Variants in PNN observed in about 807,000 individuals in gnomAD.
PNN encodes the protein pinin.
A neutral mutation model predicts 76.6 loss-of-function variants in PNN; 38 were observed. The ratio of observed to expected loss-of-function variants is 0.50; its 90% CI spans 0.38 to 0.65. The LOEUF is 0.65. Ranked by LOEUF, PNN falls within the 30% of genes least tolerant of loss-of-function variation. PNN has a pLI of 0.00. For synonymous variants in PNN, 366 were observed against 283.7 expected, an observed-to-expected ratio of 1.29 and a Z score of -2.91; for missense variants, 873 against 874.1, an observed-to-expected ratio of 1.00 and a Z score of 0.02.
intron 1 of PNN, 80 bp downstream of exon 1, chr14:39,175,472 C>T (rs2053212709): frequency 1.2e-6 from 1 of 865,084 alleles, no homozygotes; most frequent in Non-Finnish European, 1.9e-6. Context: ...GCGGGGAGGG[C>T]GGCCAGCCTT....
rs972723881 is a variant in PNN, at chr14:39,182,294, C to CT, written c.*434dup. 1 of 155,732 alleles carries CT rather than the reference C, an allele frequency of 6.4e-6. No homozygotes were observed. Among genetic ancestry groups the CT allele is most frequent in the Non-Finnish European group, 1.4e-5 (1 of 69,942 alleles). 9.6% of individuals were successfully genotyped at this position (155,732 alleles called of 1,614,324 possible). A position where few individuals can be genotyped will look rare whatever the true frequency, so the allele number is the denominator to read the frequency against. On this transcript the variant is annotated 3_prime_UTR_variant, in exon 9 of 9. Coordinates refer to ENST00000216832, the MANE Select transcript of PNN (RefSeq NM_002687.4). Reference sequence around the variant, plus strand: ...TTGACACTTGTATAATAAATATCCTCTTTATCATTTTCAGCTTTTAACACT... The same window carrying CT: ...TTGACACTTGTATAATAAATATCCTCTTTTATCATTTTCAGCTTTTAACACT...
At position 39,177,922 on chromosome 14, in the gene PNN, T is replaced by C; in HGVS notation, c.498+6T>C. Reference sequence around the variant, plus strand: ...CCACTGTTGCTACTGAAAGGGTATTTATCCAAGTTTTGTTTTGCATCATAT... The same window carrying C: ...CCACTGTTGCTACTGAAAGGGTATTCATCCAAGTTTTGTTTTGCATCATAT... On this transcript the variant is annotated splice_donor_region_variant and intron_variant, in intron 6 of 8. Transcript: ENST00000216832. 1.3e-6 allele frequency: 2 copies of C among 1,571,832 alleles called. No homozygotes were observed. Among genetic ancestry groups the C allele is most frequent in the South Asian group, 1.1e-5 (1 of 89,060 alleles).
Position 39,179,385 on chromosome 14 carries a change from C to T in PNN, c.716C>T (p.Pro239Leu), listed in dbSNP as rs2053253183. 6.2e-7 allele frequency: 1 copy of T among 1,609,166 alleles called. No homozygotes were observed. Among genetic ancestry groups the T allele is most frequent in the Admixed American group, 1.7e-5 (1 of 59,906 alleles). Residue 239 changes from proline (P) to leucine (L), a missense_variant, in exon 8 of 9, where the codon CCC (proline) becomes CTC (leucine). Around this residue, in one of 3 missense-constraint regions of PNN, gnomAD observed 712 missense variants for 693.1 expected, o/e 1.03. Coordinates refer to ENST00000216832, the MANE Select transcript of PNN (RefSeq NM_002687.4). ...IIKYIRTKTK[P>L]HLFYIPGRMC... is the part of the protein sequence containing the mutation. ...AAATATATAAGAACTAAGACAAAGC[C>T]CCATTTGTTTTATATTCCTGGAAGA...
chr14:39,180,638 G>T lies in PNN; in HGVS notation c.929G>T (p.Gly310Val). ...NEEQKAEQEE[G>V]KVAQREEELE... Reference sequence around the variant, plus strand: ...GAACAGAAGGCGGAACAAGAAGAGGGTAAGGTGGCTCAGCGAGAGGAAGAG... The same window carrying T: ...GAACAGAAGGCGGAACAAGAAGAGGTTAAGGTGGCTCAGCGAGAGGAAGAG... Residue 310 changes from glycine (G) to valine (V), a missense_variant, in exon 9 of 9, where the codon GGT becomes GTT. This residue lies in a region of PNN where 712 missense variants were observed against 693.1 expected (regional missense o/e 1.03). Transcript: ENST00000216832. 1 of 1,613,696 alleles carries T rather than the reference G, an allele frequency of 6.2e-7. No homozygotes were observed.
chr14:39,181,646 A>G lies in PNN; in HGVS notation c.1937A>G (p.His646Arg). 4 of 1,614,170 alleles carry G rather than the reference A, an allele frequency of 2.5e-6. No homozygotes were observed. The highest frequency in any genetic ancestry group is 3.4e-6 in the Non-Finnish European group (4 of 1,180,020). Residue 646 changes from histidine (H) to arginine (R), a missense_variant, in exon 9 of 9, where the codon CAC (histidine) becomes CGC (arginine). By Grantham distance (29) the His-to-Arg change is conservative. Coordinates refer to ENST00000216832, the MANE Select transcript of PNN (RefSeq NM_002687.4). ...CGGGGACATAATAGAGATAGAAAGCACAGAAGGAGCGTGGATCGGAAGAGA... is the reference window on the plus strand; with the variant it reads ...CGGGGACATAATAGAGATAGAAAGCGCAGAAGGAGCGTGGATCGGAAGAGA... ...RGRGHNRDRK[H>R]RRSVDRKRRD...
chr14:39,181,147 T>C lies in PNN; in HGVS notation c.1438T>C (p.Ser480Pro), dbSNP rs761858882. Residue 480 changes from serine (S) to proline (P), a missense_variant, in exon 9 of 9, where the codon TCT becomes CCT. Physicochemically the swap from Ser to Pro is moderately conservative, Grantham distance 74 (BLOSUM62 -1). Around this residue, in one of 3 missense-constraint regions of PNN, gnomAD observed 712 missense variants for 693.1 expected, o/e 1.03. Coordinates refer to ENST00000216832, the MANE Select transcript of PNN (RefSeq NM_002687.4). ...GCCTGTGGCTCAACCTCAGCCTCAGTCTCAGCCCCAGCTTCAGCTTCAATC... is the reference window on the plus strand; with the variant it reads ...GCCTGTGGCTCAACCTCAGCCTCAGCCTCAGCCCCAGCTTCAGCTTCAATC... The part of the protein sequence containing the change: ...PEPVAQPQPQ[S>P]QPQLQLQSQS... 1.1e-5 allele frequency: 17 copies of C among 1,604,840 alleles called. No homozygotes were observed. Among genetic ancestry groups the C allele is most frequent in the African/African-American group, 1.3e-5 (1 of 74,874 alleles).
Position 39,181,882 on chromosome 14 carries a change from C to G in PNN, c.*19C>G, listed in dbSNP as rs777143837. The G allele has an allele frequency of 6.5e-7, 1 of 1,539,996 alleles. No homozygotes were observed. Among genetic ancestry groups the G allele is most frequent in the Non-Finnish European group, 8.7e-7 (1 of 1,152,434 alleles). ...GCGTTAATGGAAGAAGCCAGGCTTT[C>G]TTAGCCATTCTTTGCAGCAGAAGAT... On this transcript the variant is annotated 3_prime_UTR_variant, in exon 9 of 9. Coordinates refer to ENST00000216832, the MANE Select transcript of PNN (RefSeq NM_002687.4).
chr14:39,176,134 G>GT lies in PNN; in HGVS notation c.171dup (p.Ser58Ter). The GT allele has an allele frequency of 6.3e-7, 1 of 1,598,400 alleles. No homozygotes were observed. Among genetic ancestry groups the GT allele is most frequent in the Non-Finnish European group, 8.6e-7 (1 of 1,165,814 alleles). On this transcript the variant is annotated frameshift_variant, in exon 2 of 9. Coordinates refer to ENST00000216832, the MANE Select transcript of PNN (RefSeq NM_002687.4). LOFTEE classifies it high-confidence loss of function. ...GGTCCTGGTGGAGGTAGAGGACGTGGTAGTTTATTACTGAGGTAAGATTTC... is the reference window on the plus strand; with the variant it reads ...GGTCCTGGTGGAGGTAGAGGACGTGGTTAGTTTATTACTGAGGTAAGATTTC...
In PNN at chr14:39,179,446, A is replaced by C; in HGVS notation, c.777A>C (p.Ser259=). 6.2e-7 allele frequency: 1 copy of C among 1,612,306 alleles called. No homozygotes were observed. Among genetic ancestry groups the C allele is most frequent in the Non-Finnish European group, 8.5e-7 (1 of 1,179,364 alleles). ...CPATQKLIEE[S]QRKMNALFEG... The stretch of plus-strand genomic sequence containing the variant: ...CTACCCAAAAACTAATAGAAGAGTC[A>C]CAGAGAAAAATGAACGGTAAGTATG... Residue 259 remains serine, a synonymous_variant, in exon 8 of 9, where the codon TCA becomes TCC. Coordinates refer to ENST00000216832, the MANE Select transcript of PNN (RefSeq NM_002687.4).
chr14:39,176,451 C>T (rs2053224929), intron 2 of PNN, 76 bp from the exon 3 acceptor site: 3 of 1,130,038 alleles, frequency 2.7e-6, no homozygotes, highest in Non-Finnish European at 3.9e-6. Flanking sequence ...GAAAGTTTAA[C>T]CATATTCTCT....
chr14:39,177,892 A>G lies in PNN; in HGVS notation c.474A>G (p.Gln158=). 5 of 1,610,218 alleles carry G rather than the reference A, an allele frequency of 3.1e-6. No individual in the cohort carries two copies. The highest frequency in any genetic ancestry group is 1.3e-5 in the African/African-American group (1 of 74,992). Residue 158 remains glutamine, a synonymous_variant, in exon 6 of 9, where the codon CAA becomes CAG. Coordinates refer to ENST00000216832, the MANE Select transcript of PNN (RefSeq NM_002687.4). ...LLMGTLQKFK[Q]ESTVATERQK... ...TGGGTACCCTTCAAAAATTTAAACA[A>G]GAATCCACTGTTGCTACTGAAAGGG...
chr14:39,179,296 A>G (rs774110188), intron 7 of PNN, 28 bp from the exon 8 acceptor site: 12 of 1,608,822 alleles, frequency 7.5e-6, no homozygotes, highest in Admixed American at 5.1e-5. Flanking sequence ...GTGTTTACAA[A>G]AGCACTGACC....
At chr14:39,175,446 T>A in intron 1 of PNN, 54 bp downstream of exon 1, 3 of 1,109,668 alleles carry the variant, frequency 2.7e-6, no homozygotes, top group Non-Finnish European at 4.1e-6. Flanking sequence ...AGCCCTCAGG[T>A]CGGGGTGAAT....
chr14:39,176,071 T>C lies in PNN; in HGVS notation c.114-7T>C, dbSNP rs2053220779. On this transcript the variant is annotated splice_region_variant and splice_polypyrimidine_tract_variant and intron_variant, in intron 1 of 8. Coordinates refer to ENST00000216832, the MANE Select transcript of PNN (RefSeq NM_002687.4). ...TGATTTTGCACTGATTTGTAAATCT[T>C]TTACAGGCCCATCCAAGCCAGATTG... 6.3e-7 allele frequency: 1 copy of C among 1,576,572 alleles called. No homozygotes were observed. Among genetic ancestry groups the C allele is most frequent in the Non-Finnish European group, 8.7e-7 (1 of 1,145,990 alleles).
chr14:39,180,596 A>AGGT lies in PNN; in HGVS notation c.892_894dup (p.Val298dup). ...CAATCAATGAAGGAAAAAGAGCATC[A>AGGT]GGTGGTGCGTAATGAAGAACAGAAG... On this transcript the variant is annotated inframe_insertion, in exon 9 of 9. Coordinates refer to ENST00000216832, the MANE Select transcript of PNN (RefSeq NM_002687.4). 1 of 1,614,166 alleles carries AGGT rather than the reference A, an allele frequency of 6.2e-7. No homozygotes were observed. The highest frequency in any genetic ancestry group is 8.5e-7 in the Non-Finnish European group (1 of 1,180,012).
At position 39,176,167 on chromosome 14, in the gene PNN, C is replaced by T. The variant is rs775217509; in HGVS notation, c.185+18C>T. 12 of 1,436,598 alleles carry T rather than the reference C, an allele frequency of 8.4e-6. No individual in the cohort carries two copies. Among genetic ancestry groups the T allele is most frequent in the African/African-American group, 1.4e-5 (1 of 71,380 alleles). The allele number at this position is 1,436,598 out of a possible 1,614,324, so 89.0% of individuals were successfully genotyped here. A position where few individuals can be genotyped will look rare whatever the true frequency, so the allele number is the denominator to read the frequency against. The stretch of plus-strand genomic sequence containing the variant: ...TTACTGAGGTAAGATTTCCTTTGGA[C>T]TTTACTCATGCTGAAACTACTGGTA... On this transcript the variant is annotated intron_variant, in intron 2 of 8. Coordinates refer to ENST00000216832, the MANE Select transcript of PNN (RefSeq NM_002687.4).
rs773059972 is a variant in PNN at position 39,181,372 on chromosome 14, A to G, written c.1663A>G (p.Lys555Glu). ...VLTVHPESKSKTKTRSRSRGR... is the reference protein window; with the variant it reads ...VLTVHPESKSETKTRSRSRGR... ...GACAGTACATCCAGAGAGCAAGAGC[A>G]AAACCAAAACTAGGAGCAGAAGTAG... The change falls in exon 9 of 9, where the codon AAA becomes GAA. Residue 555 changes from lysine to glutamate, a missense_variant. Coordinates refer to ENST00000216832, the MANE Select transcript of PNN (RefSeq NM_002687.4). 1.2e-6 allele frequency: 2 copies of G among 1,614,152 alleles called. No individual in the cohort carries two copies. Among genetic ancestry groups the G allele is most frequent in the South Asian group, 1.1e-5 (1 of 91,090 alleles).
Position 39,181,701 on chromosome 14 carries a change from C to T in PNN, c.1992C>T (p.His664=), listed in dbSNP as rs375477798. The T allele has an allele frequency of 1.2e-6, 2 of 1,613,882 alleles. No individual in the cohort carries two copies. Among genetic ancestry groups the T allele is most frequent in the African/African-American group, 2.7e-5 (2 of 74,866 alleles). Residue 664 remains histidine (H), a synonymous_variant, in exon 9 of 9, where the codon CAC becomes CAT. Transcript: ENST00000216832. ...ATACTTCAGGACTAGAAAGAAGTCA[C>T]AAATCTTCAAAAGGTGGTAGTAGTA... ...RRDTSGLERS[H]KSSKGGSSRD...
chr14:39,178,285 T>C (rs1318035526), intron 6 of PNN, among the ~76,000 whole-genome samples: 1 of 152,182 alleles, frequency 6.6e-6, no homozygotes, highest in Admixed American at 6.5e-5. Context: ...TCCCAGCACT[T>C]TGGGAGGCTG....
Sources: gnomAD v4.1 joint callset for allele counts (sites outside exome capture counted in the v4.1 genomes callset) on GRCh38, gnomAD v4.1.1 for gene constraint, gnomAD v4.1.1 regional missense constraint, MANE v1.5 for transcripts, NCBI Gene and HGNC (gene_info 2026-07-23, HGNC 2026-07-21) for gene names.